The following FSTL5 variants were observed in gnomAD, a reference collection of about 807,000 sequenced individuals.
FSTL5 encodes follistatin-related protein 5.
A neutral mutation model predicts 89.1 loss-of-function variants in FSTL5; 62 were observed. That is an observed-to-expected ratio of 0.70 (90% CI 0.57 to 0.86). FSTL5 has a LOEUF of 0.86. FSTL5 is among the 40% of genes least tolerant of loss of function. FSTL5 has a pLI of 0.00. For synonymous variants in FSTL5, 383 were observed against 346.2 expected, an observed-to-expected ratio of 1.11 and a Z score of -1.18; for missense variants, 1,057 against 1,001.6, an observed-to-expected ratio of 1.06 and a Z score of -0.75.
intron 1 of FSTL5, among the ~76,000 whole-genome samples, chr4:162,122,740 C>T (rs146004722): frequency 6.0e-4 from 91 of 152,188 alleles, no homozygotes; most frequent in African/African-American, 2.1e-3. Flanking sequence ...TTCTCCTAAA[C>T]ACTCTTTATG....
At chr4:161,618,583 A>T (rs921598703) in intron 7 of FSTL5, among the ~76,000 whole-genome samples, 1 of 151,952 alleles carries the variant, frequency 6.6e-6, no homozygotes, top group Non-Finnish European at 1.5e-5. Context: ...TGAGATAATC[A>T]TGTGGTTTTT....
chr4:161,983,048 A>C (rs1034533821), intron 3 of FSTL5, among the ~76,000 whole-genome samples: 2 of 152,204 alleles, frequency 1.3e-5, no homozygotes, highest in Non-Finnish European at 2.9e-5. Context: ...GTGATAATTT[A>C]ATCAGAGAAA....
At chr4:161,991,065 C>T (rs569757449) in intron 3 of FSTL5, among the ~76,000 whole-genome samples, 8 of 152,230 alleles carry the variant, frequency 5.3e-5, no homozygotes, top group African/African-American at 1.9e-4. Context: ...AATTTCCTAA[C>T]ACTTATTATA....
intron 8 of FSTL5, among the ~76,000 whole-genome samples, chr4:161,558,178 T>C (rs1158457002): frequency 2.0e-5 from 3 of 151,888 alleles, no homozygotes; most frequent in Non-Finnish European, 4.4e-5. Context: ...ATTTATATAA[T>C]ATTCTTGAAA....
intron 3 of FSTL5, among the ~76,000 whole-genome samples, chr4:162,002,133 T>A (rs898845076): frequency 1.5e-4 from 23 of 152,208 alleles, no homozygotes; most frequent in African/African-American, 5.3e-4. Context: ...TACTATAAAC[T>A]GAAAGAGATT....
chr4:161,691,067 AT>A (rs1488957783), intron 6 of FSTL5, among the ~76,000 whole-genome samples: 3 of 151,686 alleles, frequency 2.0e-5, no homozygotes, highest in African/African-American at 4.8e-5. Context: ...CAATTTATCT[AT>A]TTTTTTCTTT....
At chr4:162,018,812 G>A (rs996604079) in intron 3 of FSTL5, among the ~76,000 whole-genome samples, 3 of 151,996 alleles carry the variant, frequency 2.0e-5, no homozygotes, top group African/African-American at 7.2e-5. Flanking sequence ...ATATTTTTCT[G>A]TCTTGCATAT....
At chr4:162,054,774 C>T (rs1306510836) in intron 2 of FSTL5, among the ~76,000 whole-genome samples, 2 of 151,702 alleles carry the variant, frequency 1.3e-5, no homozygotes, top group African/African-American at 4.8e-5. Context: ...TTTTCAAGGA[C>T]CTGGGTAACG....
At chr4:162,111,508 T>G in intron 1 of FSTL5, 96 bp from the exon 2 acceptor site, 1 of 966,432 alleles carries the variant, frequency 1.0e-6, no homozygotes, top group Non-Finnish European at 1.5e-6. Flanking sequence ...AAATCTCCAT[T>G]AATCTAATCA....
intron 6 of FSTL5, among the ~76,000 whole-genome samples, chr4:161,750,114 A>G (rs1740346728): frequency 6.6e-6 from 1 of 152,174 alleles, no homozygotes; most frequent in African/African-American, 2.4e-5. Context: ...TCATTTTAGT[A>G]TATGTTTTTT....
intron 4 of FSTL5, among the ~76,000 whole-genome samples, chr4:161,887,474 TTCTA>T (rs1201686117): frequency 1.6e-4 from 24 of 152,050 alleles, no homozygotes; most frequent in Non-Finnish European, 5.9e-5. Flanking sequence ...CTGTCTGTTT[TTCTA>T]TCTACTTCTA....
chr4:161,891,690 A>C (rs1308049261), intron 4 of FSTL5, among the ~76,000 whole-genome samples: 1 of 152,112 alleles, frequency 6.6e-6, no homozygotes, highest in Admixed American at 6.5e-5. Context: ...CTATGATTGA[A>C]TTAGCAGTGG....
At chr4:161,739,266 T>C (rs1040859288) in intron 6 of FSTL5, among the ~76,000 whole-genome samples, 24 of 152,160 alleles carry the variant, frequency 1.6e-4, no homozygotes, top group African/African-American at 5.8e-4. Context: ...ACACAGAAAC[T>C]TGCCACACAT....
chr4:162,062,120 A>G (rs551314353), intron 2 of FSTL5, among the ~76,000 whole-genome samples: 18 of 151,850 alleles, frequency 1.2e-4, no homozygotes, highest in Non-Finnish European at 1.5e-5. Context: ...TATAACATAT[A>G]TTATATGACA....
intron 15 of FSTL5, among the ~76,000 whole-genome samples, chr4:161,410,009 C>T (rs1204601110): frequency 6.6e-6 from 1 of 152,024 alleles, no homozygotes; most frequent in Non-Finnish European, 1.5e-5. Flanking sequence ...CTATTGATAC[C>T]CACAGGCTAA....
At chr4:161,491,560 G>A (rs1239515635) in intron 12 of FSTL5, among the ~76,000 whole-genome samples, 1 of 152,072 alleles carries the variant, frequency 6.6e-6, no homozygotes, top group Non-Finnish European at 1.5e-5. Context: ...CAGCCAACAG[G>A]CTGGGCATGG....
intron 4 of FSTL5, among the ~76,000 whole-genome samples, chr4:161,819,034 TAAATA>T (rs1371561381): frequency 1.3e-5 from 2 of 152,074 alleles, no homozygotes; most frequent in African/African-American, 2.4e-5. Flanking sequence ...TAAGCTGAAA[TAAATA>T]AAATGATTAA....
At chr4:161,610,078 A>G (rs1241993814) in intron 7 of FSTL5, among the ~76,000 whole-genome samples, 1 of 152,104 alleles carries the variant, frequency 6.6e-6, no homozygotes, top group Non-Finnish European at 1.5e-5. Context: ...AAAATTTTTA[A>G]TTTCAATAGA....
chr4:161,617,268 G>C (rs976202860), intron 7 of FSTL5, among the ~76,000 whole-genome samples: 2 of 152,018 alleles, frequency 1.3e-5, no homozygotes, highest in Admixed American at 6.6e-5. Flanking sequence ...GTGTAAATTG[G>C]TGATGTCACA....
Sources: allele counts gnomAD v4.1 joint callset (sites outside exome capture counted in the v4.1 genomes callset), GRCh38; gene constraint gnomAD v4.1.1; transcripts MANE v1.5; gene names NCBI Gene and HGNC (gene_info 2026-07-23, HGNC 2026-07-21).